SARDH: variants seen among roughly 807,000 people sequenced by gnomAD.
SARDH encodes the protein sarcosine dehydrogenase, also known as sarcosine dehydrogenase, mitochondrial.
SARDH carries 95 observed loss-of-function variants against 109.1 expected under a neutral mutation model. The ratio of observed to expected loss-of-function variants is 0.87; its 90% CI spans 0.74 to 1.03. SARDH has a LOEUF of 1.03. Ranked by LOEUF, SARDH falls within the 50% of genes least tolerant of loss-of-function variation. The pLI, the probability that SARDH is intolerant of heterozygous loss-of-function variation, is 0.00. For synonymous variants in SARDH, 572 were observed against 534.8 expected (o/e 1.07, Z -0.96); for missense variants, 1,267 against 1,287.8 (o/e 0.98, Z 0.25).
intron 5 of SARDH, 21 bp from the exon 6 acceptor site, chr9:133,729,886 G>A: frequency 6.2e-7 from 1 of 1,608,990 alleles, no homozygotes; most frequent in Non-Finnish European, 8.5e-7. Context: ...AGCACAGACA[G>A]CTCAGCTCTG....
Position 133,666,789 on chromosome 9 carries a change from G to A in SARDH, c.2577C>T (p.Phe859=), listed in dbSNP as rs778890723. Residue 859 remains phenylalanine, a synonymous_variant, in exon 20 of 21, where the codon TTC becomes TTT. Transcript: ENST00000439388. This position sits in a 1 kb window ranked among gnomAD's most constrained non-coding sequence, Gnocchi z 5.2. ...CGTAGGCGATGGTCTTGTCGATGGC[G>A]AACCCAAAGTCAGCCCTCCGGACAT... The part of the protein sequence containing the change: ...VGHVRRADFG[F]AIDKTIAYGY... The A allele has an allele frequency of 1.1e-5, 17 of 1,604,676 alleles. No homozygotes were observed. Among genetic ancestry groups the A allele is most frequent in the Admixed American group, 6.8e-5 (4 of 58,668 alleles).
chr9:133,713,358 G>A (rs565976221), intron 8 of SARDH, among the ~76,000 whole-genome samples: 12 of 152,278 alleles, frequency 7.9e-5, no homozygotes, highest in African/African-American at 2.6e-4. Flanking sequence ...ACGGCGACCT[G>A]GCTGGGTTCT....
chr9:133,660,170 A>G (rs1262286420), downstream of SARDH, among the ~76,000 whole-genome samples: 1 of 149,814 alleles, frequency 6.7e-6, no homozygotes, highest in Non-Finnish European at 1.5e-5. Flanking sequence ...CGCACCTCCT[A>G]CACCCAGATA....
At chr9:133,697,571 A>G (rs914442380) in intron 13 of SARDH, among the ~76,000 whole-genome samples, 2 of 152,256 alleles carry the variant, frequency 1.3e-5, no homozygotes, top group African/African-American at 4.8e-5. Flanking sequence ...GAGATTACAC[A>G]CCATGATCAA....
chr9:133,732,984 G>A (rs927326807), intron 2 of SARDH, among the ~76,000 whole-genome samples: 1 of 152,152 alleles, frequency 6.6e-6, no homozygotes, highest in Non-Finnish European at 1.5e-5. Context: ...AGGGGGCGCC[G>A]AGACACCAAC....
At chr9:133,735,255 T>C (rs1035292709) in intron 1 of SARDH, among the ~76,000 whole-genome samples, 7 of 152,130 alleles carry the variant, frequency 4.6e-5, no homozygotes, top group Non-Finnish European at 8.8e-5. Context: ...AAGGATGTGG[T>C]GTCCCGGCTC....
At chr9:133,679,902 G>A (rs558947265) in intron 17 of SARDH, among the ~76,000 whole-genome samples, 113 of 152,286 alleles carry the variant, frequency 7.4e-4, no homozygotes, top group African/African-American at 2.6e-3. Context: ...TGTCCTCATC[G>A]GCCCTCACAA....
intron 17 of SARDH, among the ~76,000 whole-genome samples, chr9:133,680,693 C>T (rs1830666940): frequency 6.6e-6 from 1 of 152,350 alleles, no homozygotes; most frequent in Middle Eastern, 3.4e-3. Flanking sequence ...ACCCACCGGC[C>T]ACCCAGCAAC....
At chr9:133,714,793 G>A (rs1286116870) in intron 8 of SARDH, among the ~76,000 whole-genome samples, 1 of 152,178 alleles carries the variant, frequency 6.6e-6, no homozygotes, top group Non-Finnish European at 1.5e-5. Context: ...GGGGGATTGG[G>A]GAGGTAACCT....
intron 8 of SARDH, 24 bp downstream of exon 8, chr9:133,717,302 C>A: frequency 6.2e-7 from 1 of 1,613,286 alleles, no homozygotes; most frequent in Admixed American, 1.7e-5. Context: ...GGACGCCCAC[C>A]CCAGCTCCGA....
chr9:133,694,355 C>T lies in SARDH; in HGVS notation c.1824G>A (p.Thr608=), dbSNP rs140357126. The change falls in exon 15 of 21, where the codon ACG becomes ACA. Residue 608 remains threonine, a synonymous_variant. Transcript: ENST00000439388. ...TGCCCCCACGGTGGTTGAGCATGCA[C>T]GTGTACACGGTGGAGCCTGCGAGAG... is the stretch of plus-strand genomic sequence containing the variant. ...VSRPPGSTVY[T]CMLNHRGGTE... 21 of 1,550,672 alleles carry T rather than the reference C, an allele frequency of 1.4e-5. No individual in the cohort carries two copies. Among genetic ancestry groups the T allele is most frequent in the South Asian group, 3.6e-5 (3 of 84,052 alleles).
At chr9:133,687,620 G>A (rs546642441) in intron 16 of SARDH, among the ~76,000 whole-genome samples, 9 of 152,062 alleles carry the variant, frequency 5.9e-5, no homozygotes, top group Non-Finnish European at 8.8e-5. Flanking sequence ...ACATCCACTA[G>A]TATTAAAAAT....
chr9:133,704,406 T>C lies in SARDH; in HGVS notation c.1554+542A>G, dbSNP rs1007195053. 6.6e-6 allele frequency among the ~76,000 whole-genome samples: 1 copy of C among 152,186 alleles called. No homozygotes were observed. Among genetic ancestry groups the C allele is most frequent in the Non-Finnish European group, 1.5e-5 (1 of 68,026 alleles). Reference sequence around the variant, plus strand: ...TGGGTCCCAGGTTTCACAGCAGGACTGCCTTTGTTCCTCTCACTGAGGACC... The same window carrying C: ...TGGGTCCCAGGTTTCACAGCAGGACCGCCTTTGTTCCTCTCACTGAGGACC... On this transcript the variant is annotated intron_variant, in intron 12 of 20. Coordinates refer to ENST00000439388, the MANE Select transcript of SARDH (RefSeq NM_001134707.2). The surrounding 1 kb of genome is among the most constrained non-coding windows in gnomAD (Gnocchi z 4.5).
At chr9:133,683,033 C>T (rs993777450) in intron 17 of SARDH, among the ~76,000 whole-genome samples, 1 of 152,224 alleles carries the variant, frequency 6.6e-6, no homozygotes, top group Admixed American at 6.5e-5. Flanking sequence ...ACCCCCTGCA[C>T]CCCCCACGCT....
In SARDH at chr9:133,686,390, A is replaced by G. The variant is rs1830886354; in HGVS notation, c.2070-1104T>C. On this transcript the variant is annotated intron_variant, in intron 16 of 20. Coordinates refer to ENST00000439388, the MANE Select transcript of SARDH (RefSeq NM_001134707.2). The surrounding 1 kb of genome is among the most constrained non-coding windows in gnomAD (Gnocchi z 4.0). ...CCCTGTCACCACTTAACCCTTTGTCATCCTTCAGCTCTTGGCTCAGCTGTC... is the reference window on the plus strand; with the variant it reads ...CCCTGTCACCACTTAACCCTTTGTCGTCCTTCAGCTCTTGGCTCAGCTGTC... 6.6e-6 allele frequency among the ~76,000 whole-genome samples: 1 copy of G among 151,626 alleles called. No homozygotes were observed. The highest frequency in any genetic ancestry group is 1.5e-5 in the Non-Finnish European group (1 of 67,878).
At position 133,713,093 on chromosome 9, in the gene SARDH, C is replaced by T. The variant is rs781637558; in HGVS notation, c.1182G>A (p.Met394Ile). 2 of 1,613,366 alleles carry T rather than the reference C, an allele frequency of 1.2e-6. No homozygotes were observed. Among genetic ancestry groups the T allele is most frequent in the African/African-American group, 1.3e-5 (1 of 74,936 alleles). Residue 394 changes from methionine to isoleucine, a missense_variant, in exon 9 of 21, where the codon ATG (methionine) becomes ATA (isoleucine). Transcript: ENST00000439388. Reference protein sequence around the residue: ...ESFTPDHKPLMGEAPELRGFF... With the variant: ...ESFTPDHKPLIGEAPELRGFF... ...ACCCTCGGAGCTCAGGTGCCTCCCC[C>T]ATCAGGGGCTTGTGGTCGGGCGTGA...
intron 13 of SARDH, among the ~76,000 whole-genome samples, chr9:133,700,563 G>A (rs1455137650): frequency 2.0e-5 from 3 of 152,122 alleles, no homozygotes; most frequent in Non-Finnish European, 2.9e-5. Context: ...GAGGTGTGGG[G>A]TATCTTTTGC....
chr9:133,700,555 G>A (rs910791720), intron 13 of SARDH, among the ~76,000 whole-genome samples: 1 of 152,070 alleles, frequency 6.6e-6, no homozygotes, highest in African/African-American at 2.4e-5. Context: ...GATAGGGTGA[G>A]GTGTGGGGTA....
intron 13 of SARDH, among the ~76,000 whole-genome samples, chr9:133,701,942 C>A (rs1179612309): frequency 6.6e-6 from 1 of 152,218 alleles, no homozygotes; most frequent in Non-Finnish European, 1.5e-5. Flanking sequence ...TGAACCCAAG[C>A]GGGGCCCTTC....
Sources: gnomAD v4.1 joint callset for allele counts (sites outside exome capture counted in the v4.1 genomes callset) on GRCh38, gnomAD v4.1.1 for gene constraint, Gnocchi (gnomAD v3.1) non-coding constraint, MANE v1.5 for transcripts, NCBI Gene and HGNC (gene_info 2026-07-23, HGNC 2026-07-21) for gene names.